The following ADAMTSL3 variants were observed in gnomAD, a reference collection of about 807,000 sequenced individuals.
ADAMTSL3 encodes the protein ADAMTS like 3.
Under a neutral mutation model 201.7 loss-of-function variants are expected in ADAMTSL3, and 128 were observed. The ratio of observed to expected loss-of-function variants is 0.63; its 90% CI spans 0.55 to 0.73. The LOEUF (loss-of-function observed/expected upper bound fraction) is 0.73, where lower values mean the gene tolerates loss of function less well. Ranked by LOEUF, ADAMTSL3 falls within the 30% of genes least tolerant of loss-of-function variation. The pLI is 0.00. For synonymous variants in ADAMTSL3, 738 were observed against 748.4 expected, an observed-to-expected ratio of 0.99 and a Z score of 0.23; for missense variants, 1,990 against 2,119.6, an observed-to-expected ratio of 0.94 and a Z score of 1.20.
At chr15:83,681,984 T>C (rs1260075618) in intron 2 of ADAMTSL3, among the ~76,000 whole-genome samples, 1 of 152,196 alleles carries the variant, frequency 6.6e-6, no homozygotes, top group Non-Finnish European at 1.5e-5. Context: ...ACCTTAAAAT[T>C]TGTGTTGTAT....
At chr15:84,003,980 A>G (rs1331456920) in intron 23 of ADAMTSL3, among the ~76,000 whole-genome samples, 2 of 152,208 alleles carry the variant, frequency 1.3e-5, no homozygotes, top group Non-Finnish European at 2.9e-5. Context: ...ATAAGAAAGC[A>G]TGCAAGCTTC....
chr15:83,999,256 C>T lies in ADAMTSL3; in HGVS notation c.3973+8042C>T, dbSNP rs116326656. On this transcript the variant is annotated intron_variant, in intron 23 of 29. Coordinates refer to ENST00000286744, the MANE Select transcript of ADAMTSL3 (RefSeq NM_207517.3). Reference sequence around the variant, plus strand: ...GAATGTAGCATAAATAAACCCTTCTCTTGTTTTTGGAAACTTAAACCATTT... The same window carrying T: ...GAATGTAGCATAAATAAACCCTTCTTTTGTTTTTGGAAACTTAAACCATTT... 5.8e-3 allele frequency among the ~76,000 whole-genome samples: 887 copies of T among 152,324 alleles called. 12 individuals carry two copies. The highest frequency in any genetic ancestry group is 0.021 in the African/African-American group (856 of 41,580).
In ADAMTSL3 at chr15:83,687,056, A is replaced by G. The variant is rs1035000718; in HGVS notation, c.70-17333A>G. On this transcript the variant is annotated intron_variant, in intron 2 of 29. Coordinates refer to ENST00000286744, the MANE Select transcript of ADAMTSL3 (RefSeq NM_207517.3). ...CAAACAAACAAACAAACAAACAAACAGTTAGCTGGCATAGTGGAGGTCCTG... is the reference window on the plus strand; with the variant it reads ...CAAACAAACAAACAAACAAACAAACGGTTAGCTGGCATAGTGGAGGTCCTG... Among the ~76,000 whole-genome samples the G allele has an allele frequency of 7.3e-5, 11 of 151,556 alleles. No homozygotes were observed. The South Asian group carries it at 2.3e-3, about 32-fold the overall frequency.
chr15:83,686,435 C>G (rs1290607516), intron 2 of ADAMTSL3, among the ~76,000 whole-genome samples: 3 of 152,194 alleles, frequency 2.0e-5, no homozygotes, highest in African/African-American at 7.2e-5. Context: ...AACTTCATGT[C>G]TTGGATTATG....
chr15:83,698,326 C>T (rs1315395172), intron 2 of ADAMTSL3, among the ~76,000 whole-genome samples: 1 of 152,100 alleles, frequency 6.6e-6, no homozygotes, highest in East Asian at 1.9e-4. Context: ...TCCTCCTGCT[C>T]AAGTCAAATC....
At chr15:83,857,223 T>G (rs1225645586) in intron 7 of ADAMTSL3, among the ~76,000 whole-genome samples, 1 of 152,194 alleles carries the variant, frequency 6.6e-6, no homozygotes, top group Non-Finnish European at 1.5e-5. Flanking sequence ...TAATAACCCC[T>G]TTCCAAGATG....
intron 17 of ADAMTSL3, among the ~76,000 whole-genome samples, chr15:83,934,205 G>A (rs2066419187): frequency 6.6e-6 from 1 of 152,170 alleles, no homozygotes; most frequent in Non-Finnish European, 1.5e-5. Flanking sequence ...AAGCCACAAG[G>A]GCGGAGCTTT....
At chr15:83,852,402 C>G (rs1385913103) in intron 7 of ADAMTSL3, among the ~76,000 whole-genome samples, 1 of 152,218 alleles carries the variant, frequency 6.6e-6, no homozygotes, top group East Asian at 1.9e-4. Flanking sequence ...GCGTGAGCCA[C>G]TGCACCCAGT....
intron 4 of ADAMTSL3, among the ~76,000 whole-genome samples, chr15:83,799,965 A>G (rs559386485): frequency 2.6e-4 from 40 of 152,294 alleles, no homozygotes; most frequent in African/African-American, 8.9e-4. Flanking sequence ...CTTGCATTTC[A>G]TTTTATGTCT....
chr15:83,951,081 C>T (rs1300001381), intron 19 of ADAMTSL3, among the ~76,000 whole-genome samples: 3 of 150,972 alleles, frequency 2.0e-5, no homozygotes, highest in Middle Eastern at 3.2e-3. Context: ...AAGTGAGCAT[C>T]CTTGTCTTTT....
At chr15:83,929,001 T>G (rs538411745) in intron 17 of ADAMTSL3, among the ~76,000 whole-genome samples, 6 of 152,296 alleles carry the variant, frequency 3.9e-5, no homozygotes, top group Admixed American at 3.9e-4. Context: ...TCAGATATGT[T>G]TTACCTGAAC....
intron 19 of ADAMTSL3, among the ~76,000 whole-genome samples, chr15:83,946,117 C>T (rs554216252): frequency 1.3e-5 from 2 of 152,330 alleles, no homozygotes; most frequent in Admixed American, 6.5e-5. Context: ...CTAAAATACC[C>T]CACTTTGCTT....
intron 3 of ADAMTSL3, among the ~76,000 whole-genome samples, chr15:83,726,806 G>T (rs2141591945): frequency 6.6e-6 from 1 of 151,664 alleles, no homozygotes; most frequent in South Asian, 2.1e-4. Flanking sequence ...GTATTTTGTT[G>T]AGGATTTTTG....
intron 5 of ADAMTSL3, among the ~76,000 whole-genome samples, chr15:83,811,361 C>G (rs2063693393): frequency 6.6e-6 from 1 of 152,142 alleles, no homozygotes; most frequent in Non-Finnish European, 1.5e-5. Flanking sequence ...CTATTTAAAA[C>G]AATTCATTTT....
At chr15:83,825,989 G>T (rs561747841) in intron 6 of ADAMTSL3, among the ~76,000 whole-genome samples, 162 of 152,322 alleles carry the variant, frequency 1.1e-3, no homozygotes, top group South Asian at 5.4e-3. Flanking sequence ...CAAAGTGGCA[G>T]ATTATTTGCA....
chr15:83,669,032 T>A (rs571815171), intron 2 of ADAMTSL3, among the ~76,000 whole-genome samples: 2 of 152,210 alleles, frequency 1.3e-5, no homozygotes, highest in Admixed American at 1.3e-4. Flanking sequence ...CATCCTTACC[T>A]ACTATGAGGC....
rs753654124 is a variant in ADAMTSL3, at chr15:84,021,607, C to T, written c.4457+14C>T. The T allele has an allele frequency of 6.2e-7, 1 of 1,609,816 alleles. No homozygotes were observed. The highest frequency in any genetic ancestry group is 2.2e-5 in the East Asian group (1 of 44,766). On this transcript the variant is annotated intron_variant, in intron 26 of 29. Coordinates refer to ENST00000286744, the MANE Select transcript of ADAMTSL3 (RefSeq NM_207517.3). ...CTGCCCAGCGAGGTAAGTGAAGTCACTCTTTGTATCTCATCAACACCAAGT... is the reference window on the plus strand; with the variant it reads ...CTGCCCAGCGAGGTAAGTGAAGTCATTCTTTGTATCTCATCAACACCAAGT...
chr15:84,003,604 A>G (rs539546793), intron 23 of ADAMTSL3, among the ~76,000 whole-genome samples: 122 of 152,292 alleles, frequency 8.0e-4, no homozygotes, highest in African/African-American at 2.7e-3. Context: ...ATGAGATTTG[A>G]TAGCAATTGG....
At chr15:83,767,200 C>T (rs1567131190) in intron 3 of ADAMTSL3, among the ~76,000 whole-genome samples, 1 of 152,190 alleles carries the variant, frequency 6.6e-6, no homozygotes, top group Non-Finnish European at 1.5e-5. Flanking sequence ...TCTTAAAGGG[C>T]TTGCTGAGAA....
Sources: allele counts gnomAD v4.1 joint callset (sites outside exome capture counted in the v4.1 genomes callset), GRCh38; gene constraint gnomAD v4.1.1; transcripts MANE v1.5; gene names NCBI Gene and HGNC (gene_info 2026-07-23, HGNC 2026-07-21).